ATM: variants seen among roughly 807,000 people sequenced by gnomAD.
ATM encodes the protein ATM serine/threonine kinase, also known as serine-protein kinase ATM.
ATM carries 308 observed loss-of-function variants against 387.0 expected under a neutral mutation model. The observed-to-expected ratio is 0.80, with a 90% CI of 0.73 to 0.87. ATM has a LOEUF of 0.87. Among genes scored for constraint, ATM ranks in the 40% least tolerant of loss-of-function variants. ATM has a pLI of 0.00. For missense variants in ATM, 3,312 were observed against 3,560.9 expected, an observed-to-expected ratio of 0.93 and a Z score of 1.78; for synonymous variants, 1,156 against 1,187.3, an observed-to-expected ratio of 0.97 and a Z score of 0.54.
chr11:108,339,560 T>A (rs1245818454), intron 56 of ATM, among the ~76,000 whole-genome samples: 1 of 152,158 alleles, frequency 6.6e-6, no homozygotes, highest in Non-Finnish European at 1.5e-5. Flanking sequence ...GATACCCAGT[T>A]GAAATCTTCC....
chr11:108,261,195 A>T (rs536699643), intron 16 of ATM, among the ~76,000 whole-genome samples: 1 of 152,350 alleles, frequency 6.6e-6, no homozygotes, highest in African/African-American at 2.4e-5. Context: ...GGGCACAAAC[A>T]AAAAGACAGC....
chr11:108,224,178 G>A (rs1322768997), intron 1 of ATM: 32 of 152,224 alleles, frequency 2.1e-4, no homozygotes, highest in Admixed American at 2.1e-3. Context: ...TTGAGAAACT[G>A]AGGTTTGAAG....
intron 61 of ATM, among the ~76,000 whole-genome samples, chr11:108,361,746 T>G (rs2090787856): frequency 6.6e-6 from 1 of 151,792 alleles, no homozygotes; most frequent in Admixed American, 6.6e-5. Context: ...GCTAGCCATA[T>G]GGAGAAAGCT....
chr11:108,336,844 T>C (rs2136729869), intron 56 of ATM, among the ~76,000 whole-genome samples: 1 of 152,350 alleles, frequency 6.6e-6, no homozygotes, highest in Non-Finnish European at 1.5e-5. Context: ...TTGACTCTTA[T>C]ATTAATTATT....
intron 57 of ATM, 57 bp from the exon 58 acceptor site, chr11:108,345,685 AT>A: frequency 7.6e-7 from 1 of 1,308,018 alleles, no homozygotes; most frequent in Non-Finnish European, 1.1e-6. Flanking sequence ...AAAAATGTGT[AT>A]ATTAGTTTAA....
chr11:108,237,140 C>T (rs909529189), intron 5 of ATM, among the ~76,000 whole-genome samples: 1 of 152,168 alleles, frequency 6.6e-6, no homozygotes, highest in African/African-American at 2.4e-5. Flanking sequence ...CTCTACTGTT[C>T]CCCTGAGAAT....
intron 61 of ATM, among the ~76,000 whole-genome samples, chr11:108,360,068 AAGAG>A (rs879403981): frequency 0.019 from 2,857 of 151,886 alleles, 30 homozygotes; most frequent in Admixed American, 0.034. Flanking sequence ...ATAAAGAAAA[AAGAG>A]AGAAGAATCA....
chr11:108,334,931 AT>A, intron 54 of ATM, 37 bp from the exon 55 acceptor site: 1 of 1,590,310 alleles, frequency 6.3e-7, no homozygotes, highest in Non-Finnish European at 8.6e-7. Flanking sequence ...CAAATAGTGT[AT>A]CTGACCTATT....
At chr11:108,339,922 C>T (rs2087320357) in intron 56 of ATM, among the ~76,000 whole-genome samples, 2 of 152,080 alleles carry the variant, frequency 1.3e-5, no homozygotes. Context: ...TCAGAAAGGC[C>T]ATGAGATCAT....
intron 36 of ATM, 114 bp from the exon 37 acceptor site, chr11:108,304,556 TTAATC>T (rs767788794): frequency 8.3e-5 from 87 of 1,048,882 alleles, no homozygotes; most frequent in Non-Finnish European, 1.1e-4. Flanking sequence ...TTATGGCAGA[TTAATC>T]TATCATCTTT....
rs1565582354 is a variant in ATM, at chr11:108,354,826, C to G, written c.8802C>G (p.Thr2934=). The G allele has an allele frequency of 6.2e-7, 1 of 1,613,714 alleles. No individual in the cohort carries two copies. Among genetic ancestry groups the G allele is most frequent in the Non-Finnish European group, 8.5e-7 (1 of 1,179,686 alleles). ...TTGACTCTAGATGCTGTGAGAAAAC[C>G]ATGGAAGTGATGAGAAACTCTCAGG... ...EGVFRRCCEK[T]MEVMRNSQET... The change falls in exon 61 of 63, where the codon ACC becomes ACG. Residue 2934 remains threonine, a synonymous_variant. Transcript: ENST00000675843.
chr11:108,243,500 C>T (rs2135215353), intron 5 of ATM, among the ~76,000 whole-genome samples: 1 of 152,200 alleles, frequency 6.6e-6, no homozygotes, highest in South Asian at 2.1e-4. Context: ...GTGGTCCCAG[C>T]TACTTGGGAG....
At chr11:108,276,358 C>G (rs1320272943) in intron 22 of ATM, among the ~76,000 whole-genome samples, 2 of 152,180 alleles carry the variant, frequency 1.3e-5, no homozygotes, top group Non-Finnish European at 2.9e-5. Context: ...AAGCCTACTT[C>G]TGTCAATTCG....
intron 53 of ATM, 31 bp from the exon 54 acceptor site, chr11:108,333,855 G>A: frequency 6.6e-7 from 1 of 1,524,930 alleles, no homozygotes; most frequent in Non-Finnish European, 9.1e-7. Context: ...TCCTCAGTTT[G>A]TCACTAAAAT....
At position 108,319,992 on chromosome 11, in the gene ATM, A is replaced by G. The variant is rs2085080995; in HGVS notation, c.6386A>G (p.Tyr2129Cys). The change falls in exon 44 of 63, where the codon TAC becomes TGC. Residue 2129 changes from tyrosine (Y) to cysteine (C), a missense_variant. By Grantham distance (194) the Tyr-to-Cys change is radical. Coordinates refer to ENST00000675843, the MANE Select transcript of ATM (RefSeq NM_000051.4). The stretch of plus-strand genomic sequence containing the variant: ...GGAACCAGTTACCATGAATCATTGT[A>G]CAATGCTCTACAATCTCTAAGAGAC... ...VEGTSYHESL[Y>C]NALQSLRDRE... 2 of 1,612,800 alleles carry G rather than the reference A, an allele frequency of 1.2e-6. No homozygotes were observed. Among genetic ancestry groups the G allele is most frequent in the Non-Finnish European group, 1.7e-6 (2 of 1,178,928 alleles).
intron 16 of ATM, among the ~76,000 whole-genome samples, chr11:108,262,243 G>A (rs1006626539): frequency 3.3e-5 from 5 of 152,232 alleles, no homozygotes; most frequent in African/African-American, 1.2e-4. Flanking sequence ...GAAAGGTCGG[G>A]TTACCCTGAG....
intron 45 of ATM, among the ~76,000 whole-genome samples, chr11:108,324,519 A>C (rs1304250100): frequency 1.3e-5 from 2 of 152,116 alleles, no homozygotes; most frequent in African/African-American, 4.8e-5. Context: ...TTGATTGTAA[A>C]GGAGTTCCGC....
rs1194294795 is a variant in ATM at position 108,366,257 on chromosome 11, C to G, written c.*749C>G. 9.9e-6 allele frequency: 2 copies of G among 202,348 alleles called. No homozygotes were observed. Among genetic ancestry groups the G allele is most frequent in the East Asian group, 7.7e-5 (1 of 13,042 alleles). The allele number at this position is 202,348 out of a possible 1,614,324, so 12.5% of individuals were successfully genotyped here. ...TTTCTGTGATAACTTCATAGATTGC[C>G]TTCTAGTTCATGAATTCTCTTGTCA... is the stretch of plus-strand genomic sequence containing the variant. On this transcript the variant is annotated 3_prime_UTR_variant, in exon 63 of 63. Transcript: ENST00000675843.
Position 108,331,879 on chromosome 11 carries a change from C to G in ATM, c.7630C>G (p.Leu2544Val), listed in dbSNP as rs1555124455. Residue 2544 changes from leucine (L) to valine (V), a missense_variant and splice_region_variant, in exon 52 of 63, where the codon CTA becomes GTA. This residue lies in a region of ATM where 1,405 missense variants were observed against 1,604.4 expected (regional missense o/e 0.88). Transcript: ENST00000675843. The part of the protein sequence containing the change: ...GLGFHEVLNN[L>V]ISRISMDHPH... ...AAATCTAATAGTTCTTTTCTTACAG[C>G]TAATCTCTAGAATTTCAATGGATCA... 2 of 1,613,036 alleles carry G rather than the reference C, an allele frequency of 1.2e-6. No homozygotes were observed. The highest frequency in any genetic ancestry group is 1.3e-5 in the African/African-American group (1 of 74,874).
Sources: allele counts gnomAD v4.1 joint callset (sites outside exome capture counted in the v4.1 genomes callset), GRCh38; gene constraint gnomAD v4.1.1; regional missense constraint gnomAD v4.1.1; transcripts MANE v1.5; gene names NCBI Gene and HGNC (gene_info 2026-07-23, HGNC 2026-07-21).